The following KAZN variants were observed in gnomAD, a reference collection of about 807,000 sequenced individuals.
The protein encoded by KAZN is kazrin, periplakin interacting protein, also known as kazrin.
A neutral mutation model predicts 87.4 loss-of-function variants in KAZN; 40 were observed. The observed-to-expected ratio is 0.46, with a 90% confidence interval of 0.36 to 0.60. The LOEUF is 0.60. Among genes scored for constraint, KAZN ranks in the 20% least tolerant of loss-of-function variants. KAZN has a pLI of 0.00. For synonymous variants in KAZN, 466 were observed against 458.3 expected (o/e 1.02, Z -0.22); for missense variants, 898 against 1,073.9 (o/e 0.84, Z 2.29).
rs58006026 is a variant in KAZN, at chr1:14,874,470, CTGGATGGATGGA to C, written c.227-86173_227-86162del. Among the ~76,000 whole-genome samples, 556 of 148,098 alleles carry C rather than the reference CTGGATGGATGGA, an allele frequency of 3.8e-3. 1 individual carries two copies. The highest frequency in any genetic ancestry group is 9.7e-3 in the African/African-American group (393 of 40,322). On this transcript the variant is annotated intron_variant, in intron 1 of 14. Transcript: ENST00000376030. ...CATGAATCGCTAGCTAGCTGGCTGA[CTGGATGGATGGA>C]TGGATGGATGGATGGATGGATGGAT...
At chr1:14,952,870 A>G (rs1662664299) in intron 1 of KAZN, among the ~76,000 whole-genome samples, 1 of 152,190 alleles carries the variant, frequency 6.6e-6, no homozygotes, top group Non-Finnish European at 1.5e-5. Flanking sequence ...CCTCATGTAG[A>G]ACCTTCCGGA....
At chr1:14,888,564 T>C (rs1008579225) in intron 1 of KAZN, among the ~76,000 whole-genome samples, 10 of 151,816 alleles carry the variant, frequency 6.6e-5, no homozygotes, top group Admixed American at 1.3e-4. Flanking sequence ...GCGTGACTAT[T>C]AATTAATTCA....
chr1:14,760,701 C>T (rs1182833029), intron 1 of KAZN, among the ~76,000 whole-genome samples: 1 of 152,202 alleles, frequency 6.6e-6, no homozygotes, highest in Non-Finnish European at 1.5e-5. Context: ...TGCCTGTAAT[C>T]CCAGCATTTT....
intron 1 of KAZN, among the ~76,000 whole-genome samples, chr1:14,849,043 C>T (rs1168996474): frequency 1.3e-5 from 2 of 152,144 alleles, no homozygotes; most frequent in Non-Finnish European, 2.9e-5. Flanking sequence ...CAGCCCCTGC[C>T]CTCATTTTAC....
At chr1:14,846,472 G>C (rs1477203636) in intron 1 of KAZN, among the ~76,000 whole-genome samples, 1 of 152,000 alleles carries the variant, frequency 6.6e-6, no homozygotes, top group African/African-American at 2.4e-5. Flanking sequence ...CATGTCACTG[G>C]TTGCTTTCAA....
At chr1:15,012,292 C>T (rs1669652504) in intron 2 of KAZN, among the ~76,000 whole-genome samples, 1 of 152,148 alleles carries the variant, frequency 6.6e-6, no homozygotes, top group South Asian at 2.1e-4. Context: ...GAAAGGCCTC[C>T]CAGAAGAAAC....
At chr1:14,635,889 A>G (rs1434054568) in intron 1 of KAZN, among the ~76,000 whole-genome samples, 1 of 152,210 alleles carries the variant, frequency 6.6e-6, no homozygotes. Flanking sequence ...CCTGAATTCC[A>G]TGCTATCTCA....
At chr1:14,811,119 C>T (rs1646395391) in intron 1 of KAZN, among the ~76,000 whole-genome samples, 1 of 152,148 alleles carries the variant, frequency 6.6e-6, no homozygotes, top group Middle Eastern at 3.2e-3. Flanking sequence ...CAGAGGAATT[C>T]CTCGCCCTCC....
At chr1:14,853,680 C>T (rs1462997123) in intron 1 of KAZN, among the ~76,000 whole-genome samples, 1 of 152,132 alleles carries the variant, frequency 6.6e-6, no homozygotes, top group East Asian at 1.9e-4. Flanking sequence ...TAGTGATAGC[C>T]CCAGGCTCCA....
intron 1 of KAZN, among the ~76,000 whole-genome samples, chr1:14,037,873 C>T (rs1255111999): frequency 6.6e-6 from 1 of 152,132 alleles, no homozygotes; most frequent in African/African-American, 2.4e-5. Context: ...TCTAATGGGC[C>T]CATGCTTTAC....
intron 1 of KAZN, among the ~76,000 whole-genome samples, chr1:14,761,615 G>A (rs1644740987): frequency 6.6e-6 from 1 of 152,190 alleles, no homozygotes; most frequent in Non-Finnish European, 1.5e-5. Flanking sequence ...AGAATTTCAA[G>A]TGATTATCTT....
chr1:14,253,317 C>T (rs1053285062), intron 2 of KAZN, among the ~76,000 whole-genome samples: 1 of 152,188 alleles, frequency 6.6e-6, no homozygotes. Context: ...CCTACCCTTG[C>T]AGATTCCCTT....
intron 1 of KAZN, among the ~76,000 whole-genome samples, chr1:14,848,336 C>T (rs1222852624): frequency 6.6e-6 from 1 of 152,224 alleles, no homozygotes; most frequent in South Asian, 2.1e-4. Context: ...AGCTCTGCCT[C>T]TGATCTGGTC....
intron 1 of KAZN, among the ~76,000 whole-genome samples, chr1:14,607,793 C>T (rs1288756223): frequency 6.6e-6 from 1 of 152,110 alleles, no homozygotes; most frequent in Non-Finnish European, 1.5e-5. Flanking sequence ...GGGGTTATGG[C>T]TCATTTTTAG....
intron 1 of KAZN, among the ~76,000 whole-genome samples, chr1:14,724,925 G>T (rs1643307318): frequency 6.6e-6 from 1 of 152,192 alleles, no homozygotes; most frequent in Admixed American, 6.5e-5. Flanking sequence ...GCACCTCCCA[G>T]CATCCCAAGT....
chr1:14,011,947 G>T (rs186069993), intron 1 of KAZN, among the ~76,000 whole-genome samples: 127 of 152,254 alleles, frequency 8.3e-4, no homozygotes, highest in Non-Finnish European at 1.6e-3. Context: ...TACCTTTTAG[G>T]GGGTGTTTGG....
chr1:14,211,218 ATTTATTTTTAT>A (rs1194884350), intron 2 of KAZN, among the ~76,000 whole-genome samples: 2 of 151,976 alleles, frequency 1.3e-5, no homozygotes, highest in African/African-American at 4.8e-5. Flanking sequence ...CTATTTGTTT[ATTTATTTTTAT>A]TTTATTTTTG....
intron 2 of KAZN, among the ~76,000 whole-genome samples, chr1:15,000,334 A>T (rs1668342612): frequency 6.6e-6 from 1 of 151,912 alleles, no homozygotes; most frequent in African/African-American, 2.4e-5. Context: ...ATTTTGGCCC[A>T]GTGAAACCTA....
upstream of KAZN, among the ~76,000 whole-genome samples, chr1:14,597,166 A>G (rs978383447): frequency 6.6e-6 from 1 of 152,320 alleles, no homozygotes; most frequent in Admixed American, 6.5e-5. Flanking sequence ...TGGTTGGTCC[A>G]GTTGGTAAGA....
Sources: gnomAD v4.1 joint callset for allele counts (sites outside exome capture counted in the v4.1 genomes callset) on GRCh38, gnomAD v4.1.1 for gene constraint, MANE v1.5 for transcripts, NCBI Gene and HGNC (gene_info 2026-07-23, HGNC 2026-07-21) for gene names.